The following ITGB5 variants were observed in gnomAD, a reference collection of about 807,000 sequenced individuals.
The protein encoded by ITGB5 is integrin beta-5.
A neutral mutation model predicts 84.8 loss-of-function variants in ITGB5; 38 were observed. That is an observed-to-expected ratio of 0.45 (90% CI 0.35 to 0.59). ITGB5 has a LOEUF of 0.59. Ranked by LOEUF, ITGB5 falls within the 20% of genes least tolerant of loss-of-function variation. The probability of loss-of-function intolerance (pLI) is 0.01; values close to 1 mark genes in which losing one functional copy is unlikely to be tolerated. For missense variants in ITGB5, 905 were observed against 1,034.5 expected, an observed-to-expected ratio of 0.87 and a Z score of 1.72; for synonymous variants, 393 against 414.4, an observed-to-expected ratio of 0.95 and a Z score of 0.63.
At chr3:124,859,877 G>A (rs1205881651) in intron 2 of ITGB5, among the ~76,000 whole-genome samples, 2 of 152,156 alleles carry the variant, frequency 1.3e-5, no homozygotes, top group Admixed American at 6.5e-5. Flanking sequence ...GAGATCAAGA[G>A]TTTGAGACCA....
intron 3 of ITGB5, among the ~76,000 whole-genome samples, chr3:124,857,845 G>A (rs753252796): frequency 1.8e-4 from 28 of 152,046 alleles, no homozygotes; most frequent in Non-Finnish European, 4.1e-4. Context: ...TAAAATGAGA[G>A]CTACCTGGCC....
chr3:124,880,737 G>A (rs982007942), intron 1 of ITGB5, among the ~76,000 whole-genome samples: 3 of 152,082 alleles, frequency 2.0e-5, no homozygotes, highest in African/African-American at 7.2e-5. Context: ...AGACCAACCT[G>A]GCCTACATCG....
intron 10 of ITGB5, chr3:124,792,956 A>T (rs566267627): frequency 1.3e-5 from 2 of 152,194 alleles, no homozygotes; most frequent in East Asian, 3.9e-4. Context: ...GGCCTCTCAT[A>T]CCCCATCTCC....
At chr3:124,770,088 G>C (rs2063820661) in intron 11 of ITGB5, 1 of 152,290 alleles carries the variant, frequency 6.6e-6, no homozygotes, top group African/African-American at 2.4e-5. Context: ...GAGGTCACAG[G>C]GTGGGGAGCT....
chr3:124,865,484 T>TTC (rs1397835302), intron 2 of ITGB5, among the ~76,000 whole-genome samples: 1 of 132,200 alleles, frequency 7.6e-6, no homozygotes, highest in Non-Finnish European at 1.6e-5. Flanking sequence ...CTTTTTTCTT[T>TTC]TTTTTTTTTT....
At chr3:124,808,825 C>G (rs1439907737) in intron 9 of ITGB5, among the ~76,000 whole-genome samples, 197 bp downstream of exon 9, 1 of 152,224 alleles carries the variant, frequency 6.6e-6, no homozygotes, top group Admixed American at 6.5e-5. Flanking sequence ...TGTCTATTGA[C>G]TGGGCTCTTT....
intron 1 of ITGB5, among the ~76,000 whole-genome samples, chr3:124,877,536 G>A (rs1448614161): frequency 6.6e-6 from 1 of 152,148 alleles, no homozygotes; most frequent in African/African-American, 2.4e-5. Context: ...AAAATCATGA[G>A]ATTATAGCAC....
intron 5 of ITGB5, among the ~76,000 whole-genome samples, chr3:124,838,135 T>C (rs1379387219): frequency 6.6e-6 from 1 of 151,262 alleles, no homozygotes; most frequent in African/African-American, 2.4e-5. Context: ...GAGTTAGTAA[T>C]CATTAAAGAC....
chr3:124,803,686 C>A (rs2064350966), intron 9 of ITGB5, among the ~76,000 whole-genome samples: 1 of 152,230 alleles, frequency 6.6e-6, no homozygotes, highest in African/African-American at 2.4e-5. Context: ...GAGCGCTGGG[C>A]TCCCCACATG....
At chr3:124,802,752 G>A (rs150291930) in intron 9 of ITGB5, among the ~76,000 whole-genome samples, 79 of 152,374 alleles carry the variant, frequency 5.2e-4, no homozygotes, top group Non-Finnish European at 1.0e-3. Context: ...CTCCTGGCCT[G>A]CATGGCCTGG....
chr3:124,772,841 A>T (rs1449231026), intron 11 of ITGB5, among the ~76,000 whole-genome samples: 2 of 152,124 alleles, frequency 1.3e-5, no homozygotes, highest in Non-Finnish European at 2.9e-5. Flanking sequence ...ATGGAGCAGA[A>T]AATTCAAAAG....
At chr3:124,792,921 A>C (rs2064170190) in intron 10 of ITGB5, 1 of 152,154 alleles carries the variant, frequency 6.6e-6, no homozygotes, top group African/African-American at 2.4e-5. Context: ...TCCTGTTTCC[A>C]AAATGACCAG....
At chr3:124,777,182 C>T (rs928332328) in intron 10 of ITGB5, among the ~76,000 whole-genome samples, 5 of 152,136 alleles carry the variant, frequency 3.3e-5, no homozygotes, top group Non-Finnish European at 7.4e-5. Context: ...AGGTCACCAC[C>T]GTTCCTTGGA....
intron 2 of ITGB5, among the ~76,000 whole-genome samples, chr3:124,861,024 C>T (rs1471049836): frequency 3.9e-5 from 6 of 152,136 alleles, no homozygotes; most frequent in Non-Finnish European, 8.8e-5. Flanking sequence ...TGCGATTGTG[C>T]CACTGCACTC....
chr3:124,821,425 G>A lies in ITGB5; in HGVS notation c.830C>T (p.Thr277Ile). The A allele has an allele frequency of 1.2e-6, 2 of 1,614,244 alleles. No homozygotes were observed. The change falls in exon 6 of 15, where the codon ACA becomes ATA. Residue 277 changes from threonine (T) to isoleucine (I), a missense_variant. By Grantham distance (89) the Thr-to-Ile change is moderately conservative. This residue lies in a region of ITGB5 where 656 missense variants were observed against 734.7 expected (regional missense o/e 0.89). Transcript: ENST00000296181. ...CAATGCGATGTGGGGCACATCATCT[G>A]TTGTGAACACCAGCAAATGCAGTGC... is the stretch of plus-strand genomic sequence containing the variant. ...KDALHLLVFT[T>I]DDVPHIALDG...
At chr3:124,863,789 C>T (rs2065340051) in intron 2 of ITGB5, among the ~76,000 whole-genome samples, 2 of 152,088 alleles carry the variant, frequency 1.3e-5, no homozygotes, top group Admixed American at 1.3e-4. Flanking sequence ...GCTGGGCTTA[C>T]AGGCATAAGC....
chr3:124,844,228 A>AG lies in ITGB5; in HGVS notation c.612-2678_612-2677insC, dbSNP rs796432835. Among the ~76,000 whole-genome samples, 34 of 130,714 alleles carry AG rather than the reference A, an allele frequency of 2.6e-4. 1 individual carries two copies. The highest frequency in any genetic ancestry group is 2.0e-3 in the Admixed American group (26 of 12,792). 85.8% of individuals were successfully genotyped at this position (130,714 alleles called of 152,430 possible). On this transcript the variant is annotated intron_variant, in intron 4 of 14. Coordinates refer to ENST00000296181, the MANE Select transcript of ITGB5 (RefSeq NM_002213.5). ...GGCAAAAAAAAAAAAAAAAAAAAAA[A>AG]AAAAGAAAACACCAAAAAACAAATG... is the stretch of plus-strand genomic sequence containing the variant.
chr3:124,786,636 G>C (rs1188830889), intron 10 of ITGB5, among the ~76,000 whole-genome samples: 12 of 152,160 alleles, frequency 7.9e-5, no homozygotes, highest in Non-Finnish European at 1.5e-5. Context: ...CCTGGAAAGA[G>C]GAAGGAAACC....
In ITGB5 at chr3:124,763,317, C is replaced by T; in HGVS notation, c.*306G>A. The stretch of plus-strand genomic sequence containing the variant: ...AGCATTCCTGGAAGGGAGAGACAGC[C>T]CAGCATCTCAGTATTTCATTGGGAC... On this transcript the variant is annotated 3_prime_UTR_variant, in exon 15 of 15. Transcript: ENST00000296181. 4.1e-6 allele frequency: 1 copy of T among 241,126 alleles called. No individual in the cohort carries two copies. The highest frequency in any genetic ancestry group is 8.2e-5 in the South Asian group (1 of 12,136). The allele number at this position is 241,126 out of a possible 1,614,324, so 14.9% of individuals were successfully genotyped here.
Sources: gnomAD v4.1 joint callset for allele counts (sites outside exome capture counted in the v4.1 genomes callset) on GRCh38, gnomAD v4.1.1 for gene constraint, gnomAD v4.1.1 regional missense constraint, MANE v1.5 for transcripts, NCBI Gene and HGNC (gene_info 2026-07-23, HGNC 2026-07-21) for gene names.